The following E2F5 variants were observed in gnomAD, a reference collection of about 807,000 sequenced individuals.
E2F5 encodes the protein E2F transcription factor 5.
In E2F5, 23 loss-of-function variants were observed where a neutral mutation model predicts 39.1. The observed-to-expected ratio is 0.59, with a 90% CI of 0.42 to 0.83. The LOEUF is 0.83. E2F5 is among the 40% of genes least tolerant of loss of function. The pLI is 0.00. For synonymous variants in E2F5, 145 were observed against 157.8 expected, an observed-to-expected ratio of 0.92 and a Z score of 0.61; for missense variants, 365 against 406.7, an observed-to-expected ratio of 0.90 and a Z score of 0.88.
intron 1 of E2F5, among the ~76,000 whole-genome samples, chr8:85,193,150 A>AT (rs1018745966): frequency 3.3e-5 from 5 of 151,990 alleles, no homozygotes; most frequent in Admixed American, 1.3e-4. Context: ...AATGAATAGT[A>AT]TTTTTTTTCA....
intron 6 of E2F5, among the ~76,000 whole-genome samples, chr8:85,211,416 A>G (rs1485398878): frequency 6.6e-6 from 1 of 151,838 alleles, no homozygotes; most frequent in African/African-American, 2.4e-5. Flanking sequence ...ATAAATAAAT[A>G]AATAAAAAGG....
intron 1 of E2F5, among the ~76,000 whole-genome samples, chr8:85,188,450 A>C (rs1052957762): frequency 2.0e-5 from 3 of 151,720 alleles, no homozygotes; most frequent in African/African-American, 7.3e-5. Context: ...TCTGAAGGAC[A>C]GCTTTGTGGG....
chr8:85,185,346 T>A (rs1812307278), intron 1 of E2F5, among the ~76,000 whole-genome samples: 1 of 152,096 alleles, frequency 6.6e-6, no homozygotes, highest in South Asian at 2.1e-4. Flanking sequence ...TCCTTACACC[T>A]TATACAAAAA....
intron 1 of E2F5, among the ~76,000 whole-genome samples, chr8:85,178,832 A>T (rs1472725549): frequency 6.6e-6 from 1 of 152,236 alleles, no homozygotes; most frequent in African/African-American, 2.4e-5. Context: ...AGATCTTTTC[A>T]GTGCCCTCTC....
intron 5 of E2F5, among the ~76,000 whole-genome samples, chr8:85,208,264 G>A (rs1812838682): frequency 6.6e-6 from 1 of 152,178 alleles, no homozygotes; most frequent in South Asian, 2.1e-4. Context: ...GGAGGCAGTG[G>A]TTGCAGTGAG....
intron 1 of E2F5, among the ~76,000 whole-genome samples, chr8:85,197,913 C>A (rs1812614438): frequency 6.6e-6 from 1 of 152,156 alleles, no homozygotes; most frequent in South Asian, 2.1e-4. Flanking sequence ...TCATGATCAC[C>A]AACTACAAAG....
chr8:85,192,340 AT>A (rs1001876187), intron 1 of E2F5, among the ~76,000 whole-genome samples: 1 of 152,186 alleles, frequency 6.6e-6, no homozygotes, highest in Non-Finnish European at 1.5e-5. Flanking sequence ...TATCGGAATT[AT>A]AGGTTTGGAA....
intron 1 of E2F5, among the ~76,000 whole-genome samples, chr8:85,200,514 T>C (rs1812674524): frequency 1.3e-5 from 2 of 152,202 alleles, no homozygotes; most frequent in African/African-American, 4.8e-5. Flanking sequence ...AGCTAGATCT[T>C]GTGGTCTGGT....
intron 6 of E2F5, among the ~76,000 whole-genome samples, chr8:85,211,133 C>G (rs1290186509): frequency 6.6e-6 from 1 of 150,944 alleles, no homozygotes. Context: ...TGCCTGTAAT[C>G]CCAACACTTT....
At chr8:85,190,032 A>G (rs1812427107) in intron 1 of E2F5, among the ~76,000 whole-genome samples, 1 of 152,164 alleles carries the variant, frequency 6.6e-6, no homozygotes, top group Admixed American at 6.5e-5. Flanking sequence ...TTAAGGTTAT[A>G]TTATACCTCT....
In E2F5 at chr8:85,177,395, C is replaced by T; in HGVS notation, c.-26C>T. The stretch of plus-strand genomic sequence containing the variant: ...GCCGGCGAGCGAAAGTGCGCGGGGG[C>T]CCGACCACCGCGGGGCCGGGACGCG... On this transcript the variant is annotated 5_prime_UTR_variant, in exon 1 of 8. Transcript: ENST00000416274. 1 of 987,108 alleles carries T rather than the reference C, an allele frequency of 1.0e-6. No homozygotes were observed. The highest frequency in any genetic ancestry group is 1.2e-6 in the Non-Finnish European group (1 of 832,032). 61.1% of individuals were successfully genotyped at this position (987,108 alleles called of 1,614,324 possible). A position where few individuals can be genotyped will look rare whatever the true frequency, so the allele number is the denominator to read the frequency against.
At chr8:85,181,631 G>T (rs1221020137) in intron 1 of E2F5, among the ~76,000 whole-genome samples, 1 of 143,954 alleles carries the variant, frequency 6.9e-6, no homozygotes, top group African/African-American at 2.5e-5. Flanking sequence ...GAGCCACCGC[G>T]CCTGGCCATT....
intron 1 of E2F5, among the ~76,000 whole-genome samples, chr8:85,199,506 T>C (rs1314681158): frequency 1.3e-5 from 2 of 151,752 alleles, no homozygotes. Flanking sequence ...GCCTGGAACA[T>C]TTTGGTGTTA....
intron 3 of E2F5, among the ~76,000 whole-genome samples, chr8:85,204,867 C>T (rs1812769476): frequency 1.3e-5 from 2 of 152,108 alleles, no homozygotes; most frequent in African/African-American, 4.8e-5. Flanking sequence ...GGGGGACTAC[C>T]TGCATAGCTT....
At chr8:85,211,599 A>G (rs1812921496) in intron 6 of E2F5, among the ~76,000 whole-genome samples, 1 of 151,186 alleles carries the variant, frequency 6.6e-6, no homozygotes, top group Non-Finnish European at 1.5e-5. Flanking sequence ...ACTACTGACT[A>G]AAACTGAGTC....
chr8:85,209,780 C>A (rs1011961753), intron 6 of E2F5, among the ~76,000 whole-genome samples: 1 of 152,178 alleles, frequency 6.6e-6, no homozygotes, highest in Non-Finnish European at 1.5e-5. Context: ...TCTTTTATCT[C>A]TCTTAGTAAG....
At position 85,214,492 on chromosome 8, in the gene E2F5, A is replaced by T; in HGVS notation, c.*630A>T. ...ATGCCTGTACATTAACAAGATTTTTAAAAATAAAATTGTATAAAACATTCA... is the reference window on the plus strand; with the variant it reads ...ATGCCTGTACATTAACAAGATTTTTTAAAATAAAATTGTATAAAACATTCA... On this transcript the variant is annotated 3_prime_UTR_variant, in exon 8 of 8. Transcript: ENST00000416274. 1.8e-6 allele frequency: 2 copies of T among 1,120,980 alleles called. No homozygotes were observed. Among genetic ancestry groups the T allele is most frequent in the Non-Finnish European group, 2.7e-6 (2 of 748,526 alleles). 69.4% of individuals were successfully genotyped at this position (1,120,980 alleles called of 1,614,324 possible).
rs184643503 is a variant in E2F5 at position 85,180,381 on chromosome 8, C to A, written c.234+2727C>A. On this transcript the variant is annotated intron_variant, in intron 1 of 7. Transcript: ENST00000416274. ...GACTCACACTGACAATTATAAATTT[C>A]CTCTAATTTGAAATTATAAAGACAC... Among the ~76,000 whole-genome samples the A allele has an allele frequency of 2.4e-3, 367 of 151,636 alleles. 4 individuals are homozygous for A. Among genetic ancestry groups the A allele is most frequent in the South Asian group, 0.018 (88 of 4,794 alleles).
intron 1 of E2F5, among the ~76,000 whole-genome samples, chr8:85,200,795 G>A (rs564475485): frequency 1.3e-5 from 2 of 152,308 alleles, no homozygotes; most frequent in African/African-American, 4.8e-5. Context: ...GAATTGCTAA[G>A]TACAAGGGAA....
Sources: gnomAD v4.1 joint callset for allele counts (sites outside exome capture counted in the v4.1 genomes callset) on GRCh38, gnomAD v4.1.1 for gene constraint, MANE v1.5 for transcripts, NCBI Gene and HGNC (gene_info 2026-07-23, HGNC 2026-07-21) for gene names.